The following NELL2 variants were observed in gnomAD, a reference collection of about 807,000 sequenced individuals.
NELL2 encodes protein kinase C-binding protein NELL2.
In NELL2, 41 loss-of-function variants were observed where a neutral mutation model predicts 109.6. The observed-to-expected ratio is 0.37, with a 90% confidence interval of 0.29 to 0.49. The LOEUF (loss-of-function observed/expected upper bound fraction) is 0.49, where lower values mean the gene tolerates loss of function less well. NELL2 is among the 20% of genes least tolerant of loss of function. NELL2 has a pLI of 0.98. For missense variants in NELL2, 900 were observed against 1,008.3 expected, an observed-to-expected ratio of 0.89 and a Z score of 1.45; for synonymous variants, 355 against 344.7, an observed-to-expected ratio of 1.03 and a Z score of -0.33.
At chr12:44,749,952 C>T (rs1346302624) in intron 9 of NELL2, among the ~76,000 whole-genome samples, 12 of 149,976 alleles carry the variant, frequency 8.0e-5, no homozygotes, top group Non-Finnish European at 4.4e-5. Flanking sequence ...AGAAGAAATA[C>T]GTAAACCAGG....
chr12:44,717,961 A>G (rs2136448566), intron 9 of NELL2, among the ~76,000 whole-genome samples: 1 of 152,344 alleles, frequency 6.6e-6, no homozygotes, highest in East Asian at 1.9e-4. Flanking sequence ...AACAATAACA[A>G]GAACAAATGT....
chr12:44,920,194 G>T (rs1945858773), intron 1 of NELL2, among the ~76,000 whole-genome samples: 1 of 151,734 alleles, frequency 6.6e-6, no homozygotes, highest in Non-Finnish European at 1.5e-5. Context: ...GAATAAACGG[G>T]GTCAAGAAAT....
chr12:44,816,095 G>C lies in NELL2; in HGVS notation c.226C>G (p.Gln76Glu). 6.2e-7 allele frequency: 1 copy of C among 1,613,114 alleles called. No individual in the cohort carries two copies. Among genetic ancestry groups the C allele is most frequent in the Non-Finnish European group, 8.5e-7 (1 of 1,179,660 alleles). Residue 76 changes from glutamine (Q) to glutamate (E), a missense_variant, in exon 3 of 20, where the codon CAG becomes GAG. By Grantham distance (29) the Gln-to-Glu change is conservative. Transcript: ENST00000429094. ...SIKASTATAE[Q>E]FFQKLRNKHE... is the part of the protein sequence containing the mutation. ...TTATTTCTCAGCTTCTGAAAAAACT[G>C]TTCAGCTGTAGCAGTGGATGCTTTT...
At chr12:44,764,209 C>T (rs1434458140) in intron 9 of NELL2, among the ~76,000 whole-genome samples, 1 of 152,192 alleles carries the variant, frequency 6.6e-6, no homozygotes, top group East Asian at 1.9e-4. Context: ...TACATAGATA[C>T]TTTTAATTTT....
At chr12:44,646,578 T>C (rs1033312469) in intron 13 of NELL2, among the ~76,000 whole-genome samples, 1 of 152,248 alleles carries the variant, frequency 6.6e-6, no homozygotes, top group Non-Finnish European at 1.5e-5. Context: ...TATGTGAGTG[T>C]GCTCTCTCAA....
chr12:44,578,683 G>C (rs1417592930), intron 15 of NELL2, among the ~76,000 whole-genome samples: 1 of 151,532 alleles, frequency 6.6e-6, no homozygotes, highest in South Asian at 2.1e-4. Flanking sequence ...TGTGTGCCAG[G>C]GACTGGGCAA....
At chr12:44,558,789 A>G (rs1057474304) in intron 15 of NELL2, among the ~76,000 whole-genome samples, 2 of 152,058 alleles carry the variant, frequency 1.3e-5, no homozygotes, top group Non-Finnish European at 2.9e-5. Context: ...GGTTTTTTTC[A>G]TACTCCAGTG....
intron 9 of NELL2, among the ~76,000 whole-genome samples, chr12:44,750,288 C>T (rs1314070967): frequency 6.6e-6 from 1 of 152,106 alleles, no homozygotes; most frequent in Non-Finnish European, 1.5e-5. Context: ...CCCATAATTA[C>T]CTAGCAGGTA....
At chr12:44,789,369 G>A (rs1430438586) in intron 3 of NELL2, among the ~76,000 whole-genome samples, 1 of 152,156 alleles carries the variant, frequency 6.6e-6, no homozygotes, top group Non-Finnish European at 1.5e-5. Context: ...GCTAGACCCA[G>A]AAGAGATAAC....
intron 13 of NELL2, among the ~76,000 whole-genome samples, chr12:44,644,096 T>TTGA (rs1946961832): frequency 6.6e-6 from 1 of 152,146 alleles, no homozygotes; most frequent in African/African-American, 2.4e-5. Flanking sequence ...GATTCAGCTA[T>TTGA]TGATAGACTA....
At chr12:44,716,288 A>G (rs1181202160) in intron 9 of NELL2, among the ~76,000 whole-genome samples, 4 of 152,192 alleles carry the variant, frequency 2.6e-5, no homozygotes, top group Non-Finnish European at 5.9e-5. Flanking sequence ...CTCCTTACAC[A>G]GCATTTATTA....
At chr12:44,659,851 T>C (rs552594734) in intron 13 of NELL2, among the ~76,000 whole-genome samples, 1 of 152,146 alleles carries the variant, frequency 6.6e-6, no homozygotes, top group African/African-American at 2.4e-5. Flanking sequence ...CCTCCTATGA[T>C]ATGTGACATG....
At chr12:44,816,921 T>C (rs1174395582) in intron 2 of NELL2, among the ~76,000 whole-genome samples, 3 of 152,240 alleles carry the variant, frequency 2.0e-5, no homozygotes, top group African/African-American at 7.2e-5. Flanking sequence ...TAAAAACCTA[T>C]CATTCAAGCA....
At chr12:44,810,985 T>C (rs1422960989) in intron 3 of NELL2, among the ~76,000 whole-genome samples, 1 of 152,016 alleles carries the variant, frequency 6.6e-6, no homozygotes, top group Non-Finnish European at 1.5e-5. Context: ...AACAATGAAA[T>C]ACATGCGGCC....
chr12:44,706,574 A>C (rs1299871807), intron 11 of NELL2, among the ~76,000 whole-genome samples: 3 of 152,168 alleles, frequency 2.0e-5, no homozygotes, highest in African/African-American at 7.2e-5. Flanking sequence ...CTAAGCCTTC[A>C]GTTTTTCTCA....
chr12:44,639,270 T>C (rs1946757951), intron 13 of NELL2, among the ~76,000 whole-genome samples: 1 of 152,164 alleles, frequency 6.6e-6, no homozygotes, highest in Admixed American at 6.6e-5. Flanking sequence ...ATAGCAGATA[T>C]GATTGTAAAT....
intron 3 of NELL2, among the ~76,000 whole-genome samples, chr12:44,789,496 C>T (rs117016335): frequency 1.8e-3 from 273 of 152,262 alleles, no homozygotes; most frequent in Non-Finnish European, 2.8e-3. Flanking sequence ...TAGACCTTCC[C>T]TCTGACAGAA....
At chr12:44,716,094 C>G (rs1350036260) in intron 9 of NELL2, among the ~76,000 whole-genome samples, 1 of 152,066 alleles carries the variant, frequency 6.6e-6, no homozygotes, top group Non-Finnish European at 1.5e-5. Flanking sequence ...GCCACCATGC[C>G]TGGTCTATTC....
intron 9 of NELL2, among the ~76,000 whole-genome samples, chr12:44,739,967 G>T (rs1266701042): frequency 6.6e-6 from 1 of 152,174 alleles, no homozygotes; most frequent in African/African-American, 2.4e-5. Context: ...CATATCATTT[G>T]TGGCTGCTTT....
Sources: gnomAD v4.1 joint callset for allele counts (sites outside exome capture counted in the v4.1 genomes callset) on GRCh38, gnomAD v4.1.1 for gene constraint, MANE v1.5 for transcripts, NCBI Gene and HGNC (gene_info 2026-07-23, HGNC 2026-07-21) for gene names.